FMNL2: variants seen among roughly 807,000 people sequenced by gnomAD.
FMNL2 encodes formin like 2, also known as formin-like protein 2.
FMNL2 carries 51 observed loss-of-function variants against 130.2 expected under a neutral mutation model. The ratio of observed to expected loss-of-function variants is 0.39; its 90% CI spans 0.31 to 0.49. The LOEUF is 0.49. Among genes scored for constraint, FMNL2 ranks in the 20% least tolerant of loss-of-function variants. FMNL2 has a pLI of 0.85. For synonymous variants in FMNL2, 465 were observed against 467.1 expected, an observed-to-expected ratio of 1.00 and a Z score of 0.06; for missense variants, 977 against 1,316.2, an observed-to-expected ratio of 0.74 and a Z score of 3.99.
chr2:152,501,665 A>C (rs1290657907), intron 1 of FMNL2, among the ~76,000 whole-genome samples: 1 of 152,132 alleles, frequency 6.6e-6, no homozygotes, highest in Non-Finnish European at 1.5e-5. Flanking sequence ...GGCTTTAACA[A>C]GTAAAGATAT....
intron 1 of FMNL2, among the ~76,000 whole-genome samples, chr2:152,470,989 T>C (rs759698703): frequency 6.6e-6 from 1 of 152,244 alleles, no homozygotes; most frequent in Non-Finnish European, 1.5e-5. Flanking sequence ...ACCAGCTAAC[T>C]GTCATTGCTG....
intron 1 of FMNL2, among the ~76,000 whole-genome samples, chr2:152,451,377 T>C (rs557071803): frequency 6.6e-6 from 1 of 152,094 alleles, no homozygotes; most frequent in African/African-American, 2.4e-5. Context: ...CTCGAACTCC[T>C]GACCTCGTGA....
At chr2:152,505,890 A>T (rs1407024387) in intron 1 of FMNL2, among the ~76,000 whole-genome samples, 5 of 152,212 alleles carry the variant, frequency 3.3e-5, no homozygotes, top group Admixed American at 1.3e-4. Context: ...GATCATCCAG[A>T]TTGGAGTACT....
chr2:152,363,770 C>T (rs1683326536), intron 1 of FMNL2, among the ~76,000 whole-genome samples: 1 of 152,066 alleles, frequency 6.6e-6, no homozygotes, highest in Non-Finnish European at 1.5e-5. Flanking sequence ...CCATGTTGGC[C>T]AGCCTGGTCT....
chr2:152,544,052 C>A (rs1387958670), intron 3 of FMNL2, among the ~76,000 whole-genome samples: 2 of 152,152 alleles, frequency 1.3e-5, no homozygotes, highest in African/African-American at 4.8e-5. Context: ...TTCTTGTTAA[C>A]TTCTCTCATT....
At chr2:152,496,849 A>G (rs975487580) in intron 1 of FMNL2, among the ~76,000 whole-genome samples, 8 of 151,718 alleles carry the variant, frequency 5.3e-5, no homozygotes, top group East Asian at 1.9e-4. Context: ...ACATGTTCCA[A>G]TTTTTGGACC....
intron 1 of FMNL2, among the ~76,000 whole-genome samples, chr2:152,446,037 T>C (rs1688314845): frequency 6.6e-6 from 1 of 152,214 alleles, no homozygotes; most frequent in Non-Finnish European, 1.5e-5. Flanking sequence ...ACTTTGGTTT[T>C]CATTCCAGTT....
rs868773134 is a variant in FMNL2 at position 152,338,854 on chromosome 2, T to C, written c.117+3134T>C. On this transcript the variant is annotated intron_variant, in intron 1 of 25. Coordinates refer to ENST00000288670, the MANE Select transcript of FMNL2 (RefSeq NM_052905.4). ...ACACACACACACACACACACACACA[T>C]ATATGCATATGCCTTTGTGTGTGTG... 3.0e-3 allele frequency among the ~76,000 whole-genome samples: 163 copies of C among 54,828 alleles called. 1 individual carries two copies. Among genetic ancestry groups the C allele is most frequent in the East Asian group, 6.9e-3 (29 of 4,230 alleles). The allele number at this position is 54,828 out of a possible 152,430, so 36.0% of individuals were successfully genotyped here.
At chr2:152,486,103 C>T (rs1690815404) in intron 1 of FMNL2, among the ~76,000 whole-genome samples, 1 of 152,168 alleles carries the variant, frequency 6.6e-6, no homozygotes, top group Non-Finnish European at 1.5e-5. Flanking sequence ...CCCATGGTTA[C>T]TGGGAACTGA....
chr2:152,560,845 A>T, intron 5 of FMNL2, 38 bp from the exon 6 acceptor site: 2 of 1,578,696 alleles, frequency 1.3e-6, no homozygotes, highest in Non-Finnish European at 1.7e-6. Flanking sequence ...GTGAATGTGA[A>T]TTTTTCAGTC....
In FMNL2 at chr2:152,643,993, G is replaced by C. The variant is rs1018809119; in HGVS notation, c.3169+3079G>C. ...GCCTGTAATTCCAGTACTTTGAGAG[G>C]CTGAGGCAAAAGGATCACTTGAGCC... On this transcript the variant is annotated intron_variant, in intron 25 of 25. Transcript: ENST00000288670. 5.7e-6 allele frequency: 4 copies of C among 705,982 alleles called. No homozygotes were observed. In the Admixed American group the frequency reaches 2.5e-4, roughly 44 times the overall value. The allele number at this position is 705,982 out of a possible 1,614,324, so 43.7% of individuals were successfully genotyped here.
chr2:152,464,604 T>C (rs1245891566), intron 1 of FMNL2, among the ~76,000 whole-genome samples: 1 of 152,212 alleles, frequency 6.6e-6, no homozygotes, highest in Non-Finnish European at 1.5e-5. Context: ...TCACTGTCCT[T>C]GCCCCAGAGG....
intron 10 of FMNL2, among the ~76,000 whole-genome samples, chr2:152,609,970 A>G (rs1185666657): frequency 6.6e-6 from 1 of 152,216 alleles, no homozygotes; most frequent in Non-Finnish European, 1.5e-5. Context: ...GATCTGTTGA[A>G]TGCTGTCCTT....
At chr2:152,418,538 G>A (rs1686739885) in intron 1 of FMNL2, among the ~76,000 whole-genome samples, 1 of 152,074 alleles carries the variant, frequency 6.6e-6, no homozygotes, top group Non-Finnish European at 1.5e-5. Context: ...TAACTCATAA[G>A]TGGAATCAGG....
chr2:152,536,921 C>A (rs1057197113), intron 2 of FMNL2, among the ~76,000 whole-genome samples: 1 of 152,162 alleles, frequency 6.6e-6, no homozygotes, highest in African/African-American at 2.4e-5. Context: ...ACCAAATTAA[C>A]CCCAATTAAT....
At chr2:152,485,406 G>A (rs548247416) in intron 1 of FMNL2, among the ~76,000 whole-genome samples, 236 of 152,252 alleles carry the variant, frequency 1.6e-3, no homozygotes, top group African/African-American at 5.2e-3. Flanking sequence ...CAGGAGAATC[G>A]CTTGAACCTG....
At chr2:152,573,081 G>A (rs143818776) in intron 6 of FMNL2, among the ~76,000 whole-genome samples, 39 of 152,198 alleles carry the variant, frequency 2.6e-4, no homozygotes, top group African/African-American at 8.9e-4. Flanking sequence ...CTAAAATATA[G>A]AGCAAAATTT....
intron 1 of FMNL2, chr2:152,389,820 GGGGAT>G: frequency 7.8e-7 from 1 of 1,280,582 alleles, no homozygotes; most frequent in South Asian, 1.2e-5. Context: ...CAGGAGAAGA[GGGGAT>G]GGCAAAGAAG....
chr2:152,619,415 T>A, intron 14 of FMNL2, 94 bp from the exon 15 acceptor site: 1 of 1,520,488 alleles, frequency 6.6e-7, no homozygotes, highest in Admixed American at 2.1e-5. Context: ...CTTTTAAGTG[T>A]GTTGTTTTCA....
Sources: allele counts gnomAD v4.1 joint callset (sites outside exome capture counted in the v4.1 genomes callset), GRCh38; gene constraint gnomAD v4.1.1; transcripts MANE v1.5; gene names NCBI Gene and HGNC (gene_info 2026-07-23, HGNC 2026-07-21).